The following OTOA variants were observed in gnomAD, a reference collection of about 807,000 sequenced individuals.
OTOA encodes the protein cancer/testis antigen 108.
OTOA carries 70 observed loss-of-function variants against 110.8 expected under a neutral mutation model. The observed-to-expected ratio is 0.63, with a 90% confidence interval of 0.52 to 0.77. The LOEUF is 0.77. OTOA is among the 30% of genes least tolerant of loss of function. The pLI is 0.00. For missense variants in OTOA, 917 were observed against 1,075.8 expected, an observed-to-expected ratio of 0.85 and a Z score of 2.06; for synonymous variants, 373 against 431.5, an observed-to-expected ratio of 0.86 and a Z score of 1.68.
chr16:21,715,620 A>G (rs1898529190), intron 14 of OTOA, among the ~76,000 whole-genome samples: 1 of 151,562 alleles, frequency 6.6e-6, no homozygotes, highest in Non-Finnish European at 1.5e-5. Context: ...TTGTAGAGAC[A>G]TGGTCTTGCT....
At chr16:21,700,856 C>T in intron 10 of OTOA, 32 bp from the exon 11 acceptor site, 1 of 1,613,316 alleles carries the variant, frequency 6.2e-7, no homozygotes, top group Non-Finnish European at 8.5e-7. Context: ...CCACCCTCCT[C>T]ACTGATATTC....
intron 13 of OTOA, among the ~76,000 whole-genome samples, chr16:21,714,359 C>T (rs1363297802): frequency 0.045 from 3,579 of 80,224 alleles, 64 homozygotes; most frequent in Non-Finnish European, 0.058. Flanking sequence ...CTTTCCTTCT[C>T]TCTTTCTTTC....
At chr16:21,700,523 G>A (rs950274975) in intron 10 of OTOA, among the ~76,000 whole-genome samples, 1 of 151,850 alleles carries the variant, frequency 6.6e-6, no homozygotes, top group African/African-American at 2.4e-5. Flanking sequence ...CTGGGAGTTC[G>A]AGACCAGCCT....
chr16:21,705,610 T>C (rs1464872772), intron 12 of OTOA, among the ~76,000 whole-genome samples: 1 of 151,562 alleles, frequency 6.6e-6, no homozygotes, highest in Non-Finnish European at 1.5e-5. Context: ...AGGAGTTTGA[T>C]ACCAGCCTGG....
intron 21 of OTOA, among the ~76,000 whole-genome samples, chr16:21,731,886 C>G (rs1028593232): frequency 1.3e-5 from 2 of 152,194 alleles, no homozygotes; most frequent in Non-Finnish European, 2.9e-5. Flanking sequence ...ATTCTGAAGT[C>G]CAGTCACAGT....
rs1815568576 is a variant in OTOA, at chr16:21,728,426, G to A, written c.2202G>A (p.Gln734=). The change falls in exon 20 of 29, where the codon CAG becomes CAA. Residue 734 remains glutamine, a synonymous_variant. Coordinates refer to ENST00000646100, the MANE Select transcript of OTOA (RefSeq NM_144672.4). ...CAGTGAGGCTCAAGCTCCTGGGACA[G>A]TATGGGTGAGGAGCGGCTGGGTTTG... ...KAAVRLKLLG[Q]YGLPQHWTAE... is the part of the protein sequence containing the mutation. 6.2e-7 allele frequency: 1 copy of A among 1,613,882 alleles called. No individual in the cohort carries two copies. Among genetic ancestry groups the A allele is most frequent in the African/African-American group, 1.3e-5 (1 of 75,044 alleles).
intron 21 of OTOA, among the ~76,000 whole-genome samples, chr16:21,734,474 A>G (rs1432144722): frequency 3.6e-4 from 55 of 151,396 alleles, no homozygotes; most frequent in Non-Finnish European, 7.4e-5. Flanking sequence ...CCTCCATGAC[A>G]CAAGCTTACC....
chr16:21,716,727 C>T (rs562633641), intron 14 of OTOA, among the ~76,000 whole-genome samples, 180 bp from the exon 15 acceptor site: 3 of 152,028 alleles, frequency 2.0e-5, no homozygotes, highest in Admixed American at 6.6e-5. Context: ...TGACTTTCAA[C>T]TCATCACACT....
intron 1 of OTOA, among the ~76,000 whole-genome samples, chr16:21,664,855 T>G (rs183322554): frequency 5.6e-4 from 85 of 151,840 alleles, no homozygotes; most frequent in East Asian, 1.5e-3. Context: ...GCCTGTAATC[T>G]CAGCTACTCC....
In OTOA at chr16:21,736,253, T is replaced by C. The variant is rs1567400115; in HGVS notation, c.2302-8T>C. ...ATTATTCCTCTTCTTTCATCTTCTTTCACACAGTTTCCTGAGATCCTTCTG... is the reference window on the plus strand; with the variant it reads ...ATTATTCCTCTTCTTTCATCTTCTTCCACACAGTTTCCTGAGATCCTTCTG... On this transcript the variant is annotated splice_polypyrimidine_tract_variant and splice_region_variant and intron_variant, in intron 21 of 28. Transcript: ENST00000646100. 1.9e-6 allele frequency: 3 copies of C among 1,610,592 alleles called. No individual in the cohort carries two copies. Among genetic ancestry groups the C allele is most frequent in the East Asian group, 2.2e-5 (1 of 44,872 alleles).
At chr16:21,728,485 C>T in intron 20 of OTOA, 54 bp downstream of exon 20, 2 of 1,581,368 alleles carry the variant, frequency 1.3e-6, no homozygotes, top group South Asian at 1.1e-5. Flanking sequence ...TGTGGAGGGA[C>T]ACTCAACCTT....
chr16:21,681,922 G>C (rs986430473), intron 6 of OTOA, 97 bp downstream of exon 6: 1 of 1,117,794 alleles, frequency 8.9e-7, no homozygotes, highest in African/African-American at 1.5e-5. Context: ...TGGATGTAGA[G>C]ATAGTCTTTG....
intron 11 of OTOA, among the ~76,000 whole-genome samples, chr16:21,702,139 T>A (rs1399687590): frequency 6.8e-6 from 1 of 147,806 alleles, no homozygotes; most frequent in African/African-American, 2.5e-5. Flanking sequence ...TAGTGGAGAC[T>A]GGGTTTCGCC....
intron 17 of OTOA, among the ~76,000 whole-genome samples, chr16:21,720,319 G>A (rs905899865): frequency 2.0e-5 from 3 of 152,156 alleles, no homozygotes; most frequent in African/African-American, 7.2e-5. Context: ...AACTTTTGGT[G>A]TGAACCGCTG....
chr16:21,744,181 C>T (rs1161405224), intron 23 of OTOA, among the ~76,000 whole-genome samples: 7 of 145,834 alleles, frequency 4.8e-5, no homozygotes, highest in African/African-American at 9.9e-5. Flanking sequence ...GACAGGGTCT[C>T]GCTCTGTCAC....
At chr16:21,705,579 A>G (rs943765587) in intron 12 of OTOA, 13 of 436,100 alleles carry the variant, frequency 3.0e-5, no homozygotes, top group Non-Finnish European at 1.3e-5. Flanking sequence ...GGAGGCCAAG[A>G]TGGGAGGATC....
intron 14 of OTOA, among the ~76,000 whole-genome samples, chr16:21,715,896 A>G (rs1898538712): frequency 2.0e-5 from 3 of 151,868 alleles, no homozygotes; most frequent in Admixed American, 6.6e-5. Context: ...GTCCACAGCC[A>G]TGTCCGTATT....
At chr16:21,734,593 T>C (rs1481234677) in intron 21 of OTOA, among the ~76,000 whole-genome samples, 1 of 152,078 alleles carries the variant, frequency 6.6e-6, no homozygotes, top group African/African-American at 2.4e-5. Context: ...TCCCAGCAGT[T>C]TGGGAGGCCG....
In OTOA at chr16:21,733,834, G is replaced by C. The variant is rs71246382; in HGVS notation, c.2302-2427G>C. On this transcript the variant is annotated intron_variant, in intron 21 of 28. Transcript: ENST00000646100. ...CTCTTTTTTGAGATGGAGTCTAGCTGTGTTGCCCAGGCCGGAATGCAGTGG... is the reference window on the plus strand; with the variant it reads ...CTCTTTTTTGAGATGGAGTCTAGCTCTGTTGCCCAGGCCGGAATGCAGTGG... Among the ~76,000 whole-genome samples the C allele has an allele frequency of 2.6e-3, 395 of 152,108 alleles. 5 individuals are homozygous for C. The highest frequency in any genetic ancestry group is 8.9e-3 in the African/African-American group (369 of 41,520).
Sources: gnomAD v4.1 joint callset for allele counts (sites outside exome capture counted in the v4.1 genomes callset) on GRCh38, gnomAD v4.1.1 for gene constraint, MANE v1.5 for transcripts, NCBI Gene and HGNC (gene_info 2026-07-23, HGNC 2026-07-21) for gene names.